Variants in MEIS1 observed in about 807,000 individuals in gnomAD.
The protein encoded by MEIS1 is Meis homeobox 1.
Under a neutral mutation model 50.8 loss-of-function variants are expected in MEIS1, and 5 were observed. The ratio of observed to expected loss-of-function variants is 0.10; its 90% CI spans 0.05 to 0.21. MEIS1 has a LOEUF of 0.21. Among genes scored for constraint, MEIS1 ranks in the 10% least tolerant of loss-of-function variants. MEIS1 has a pLI of 1.00. For synonymous variants in MEIS1, 176 were observed against 179.3 expected (o/e 0.98, Z 0.15); for missense variants, 318 against 517.3 (o/e 0.61, Z 3.74).
intron 7 of MEIS1, among the ~76,000 whole-genome samples, chr2:66,480,882 T>C (rs1222333841): frequency 6.6e-6 from 1 of 152,180 alleles, no homozygotes; most frequent in East Asian, 1.9e-4. Flanking sequence ...CAATGACAGA[T>C]GCCATTGCAG....
At chr2:66,509,112 G>A (rs781122650) in intron 7 of MEIS1, 13 of 469,188 alleles carry the variant, frequency 2.8e-5, no homozygotes, top group South Asian at 1.9e-4. Context: ...GGAGTGAATG[G>A]AAATGCTAAA....
chr2:66,436,143 T>A (rs903769893), intron 1 of MEIS1, among the ~76,000 whole-genome samples: 16 of 152,134 alleles, frequency 1.1e-4, no homozygotes, highest in African/African-American at 2.9e-4. Flanking sequence ...GGGTTTTTTT[T>A]TAAAAAAGCT....
At chr2:66,449,195 A>G (rs1157272910) in intron 6 of MEIS1, among the ~76,000 whole-genome samples, 6 of 152,138 alleles carry the variant, frequency 3.9e-5, no homozygotes, top group Non-Finnish European at 1.5e-5. Context: ...AAGTAAAACA[A>G]CACTGCTCTA....
chr2:66,485,885 C>T (rs904664258), intron 7 of MEIS1, among the ~76,000 whole-genome samples: 1 of 152,204 alleles, frequency 6.6e-6, no homozygotes, highest in Non-Finnish European at 1.5e-5. Context: ...TTGTTGGCCA[C>T]ATAAATGTCC....
At chr2:66,538,542 ACTC>A (rs1345146105) in intron 8 of MEIS1, among the ~76,000 whole-genome samples, 1 of 152,120 alleles carries the variant, frequency 6.6e-6, no homozygotes, top group Non-Finnish European at 1.5e-5. Flanking sequence ...GAAGTCATCT[ACTC>A]CTACTCACAA....
At chr2:66,504,488 G>A (rs1302720678) in intron 7 of MEIS1, among the ~76,000 whole-genome samples, 1 of 151,924 alleles carries the variant, frequency 6.6e-6, no homozygotes, top group Admixed American at 6.6e-5. Context: ...CACCCGCCTC[G>A]GTCTCCCAAA....
intron 9 of MEIS1, among the ~76,000 whole-genome samples, chr2:66,561,621 ACTTCC>A (rs1156771531): frequency 7.2e-5 from 11 of 152,238 alleles, no homozygotes; most frequent in African/African-American, 2.4e-4. Flanking sequence ...TATAATCAGC[ACTTCC>A]CTTAAGGGAT....
At chr2:66,497,956 G>A (rs1322089069) in intron 7 of MEIS1, among the ~76,000 whole-genome samples, 2 of 152,074 alleles carry the variant, frequency 1.3e-5, no homozygotes, top group African/African-American at 4.8e-5. Context: ...CACTTGCAAA[G>A]TTCCAAGTCA....
At position 66,459,029 on chromosome 2, in the gene MEIS1, A is replaced by T. The variant is rs1672460390; in HGVS notation, c.631-5080A>T. 4.6e-5 allele frequency among the ~76,000 whole-genome samples: 7 copies of T among 152,206 alleles called. No homozygotes were observed. The South Asian group carries it at 1.4e-3, about 32-fold the overall frequency. ...ATAGTGTAGAATTGTAGACAGGCAC[A>T]GCAGGTCATCACAAAGCAAAGAGTG... On this transcript the variant is annotated intron_variant, in intron 6 of 12. Transcript: ENST00000272369.
intron 10 of MEIS1, 187 bp downstream of exon 10, chr2:66,567,698 G>A (rs1273958707): frequency 1.6e-5 from 11 of 681,136 alleles, no homozygotes; most frequent in Admixed American, 4.5e-5. Context: ...AACGTTTGGA[G>A]AAGGTGGAAA....
intron 7 of MEIS1, among the ~76,000 whole-genome samples, chr2:66,491,591 CTGTT>C (rs1271359883): frequency 6.6e-6 from 1 of 152,178 alleles, no homozygotes; most frequent in African/African-American, 2.4e-5. Flanking sequence ...TCTTCATCCT[CTGTT>C]TGTACAGGCC....
chr2:66,527,926 A>C (rs1674297053), intron 8 of MEIS1, among the ~76,000 whole-genome samples: 1 of 152,146 alleles, frequency 6.6e-6, no homozygotes, highest in Non-Finnish European at 1.5e-5. Flanking sequence ...TACTATGTAC[A>C]AGGAACCATA....
At chr2:66,511,330 A>G (rs971961837) in intron 7 of MEIS1, among the ~76,000 whole-genome samples, 1 of 152,202 alleles carries the variant, frequency 6.6e-6, no homozygotes, top group Non-Finnish European at 1.5e-5. Context: ...TTTCTAGAAT[A>G]AAGAGTGTAA....
In MEIS1 at chr2:66,571,715, A is replaced by G. The variant is rs1429834648; in HGVS notation, c.*507A>G. 6 of 617,376 alleles carry G rather than the reference A, an allele frequency of 9.7e-6. No homozygotes were observed. Among genetic ancestry groups the G allele is most frequent in the African/African-American group, 5.5e-5 (3 of 54,116 alleles). The allele number at this position is 617,376 out of a possible 1,614,324, so 38.2% of individuals were successfully genotyped here. On this transcript the variant is annotated 3_prime_UTR_variant, in exon 13 of 13. Coordinates refer to ENST00000272369, the MANE Select transcript of MEIS1 (RefSeq NM_002398.3). ...TTTGGGGGACATGCTAAATAACTAT[A>G]TAAGACATTAAGAGAACAAAGAGTG...
chr2:66,440,787 A>G (rs1355211766), intron 4 of MEIS1, 175 bp downstream of exon 4: 3 of 578,660 alleles, frequency 5.2e-6, no homozygotes, highest in Non-Finnish European at 9.2e-6. Context: ...ATCCCGGGGA[A>G]ATAAATTCAT....
At chr2:66,440,281 G>T (rs1037872954) in intron 3 of MEIS1, 3 of 589,436 alleles carry the variant, frequency 5.1e-6, no homozygotes, top group Non-Finnish European at 9.0e-6. Flanking sequence ...AGAACACCAC[G>T]GTTGTAGCTG....
intron 7 of MEIS1, 49 bp downstream of exon 7, chr2:66,464,269 T>G (rs1179530043): frequency 1.4e-6 from 2 of 1,452,612 alleles, no homozygotes; most frequent in African/African-American, 2.8e-5. Context: ...TTTTAAGGAT[T>G]GAAAAATCAG....
chr2:66,528,471 G>A (rs569399434), intron 8 of MEIS1, among the ~76,000 whole-genome samples: 111 of 152,128 alleles, frequency 7.3e-4, no homozygotes, highest in Non-Finnish European at 7.5e-4. Context: ...TGTCAGCGTC[G>A]TCTCAGTTCA....
chr2:66,508,509 G>T (rs1673739925), intron 7 of MEIS1, among the ~76,000 whole-genome samples: 1 of 152,204 alleles, frequency 6.6e-6, no homozygotes, highest in Admixed American at 6.5e-5. Flanking sequence ...CCAGGAAGTT[G>T]CAGGGAGAGG....
Sources: gnomAD v4.1 joint callset for allele counts (sites outside exome capture counted in the v4.1 genomes callset) on GRCh38, gnomAD v4.1.1 for gene constraint, MANE v1.5 for transcripts, NCBI Gene and HGNC (gene_info 2026-07-23, HGNC 2026-07-21) for gene names.